The following DYNC1LI2 variants were observed in gnomAD, a reference collection of about 807,000 sequenced individuals.
DYNC1LI2 encodes dynein cytoplasmic 1 light intermediate chain 2.
DYNC1LI2 carries 19 observed loss-of-function variants against 57.8 expected under a neutral mutation model. The ratio of observed to expected loss-of-function variants is 0.33; its 90% CI spans 0.23 to 0.48. The LOEUF is 0.48. DYNC1LI2 is among the 20% of genes least tolerant of loss of function. The pLI, the probability that DYNC1LI2 is intolerant of heterozygous loss-of-function variation, is 0.99. For synonymous variants in DYNC1LI2, 256 were observed against 233.4 expected (o/e 1.10, Z -0.88); for missense variants, 470 against 604.2 (o/e 0.78, Z 2.33).
At chr16:66,729,629 T>A (rs1197147873) in intron 8 of DYNC1LI2, among the ~76,000 whole-genome samples, 1 of 140,844 alleles carries the variant, frequency 7.1e-6, no homozygotes, top group African/African-American at 2.7e-5. Flanking sequence ...CAGGCTGGAG[T>A]ACAGTGGCCC....
intron 8 of DYNC1LI2, among the ~76,000 whole-genome samples, chr16:66,729,678 G>T (rs188074108): frequency 1.6e-4 from 24 of 148,394 alleles, no homozygotes; most frequent in African/African-American, 6.0e-4. Context: ...CCAGGTTCAA[G>T]CAATTCTCCT....
At chr16:66,734,863 G>A (rs1225678907) in intron 5 of DYNC1LI2, among the ~76,000 whole-genome samples, 3 of 151,256 alleles carry the variant, frequency 2.0e-5, no homozygotes, top group Non-Finnish European at 4.4e-5. Flanking sequence ...CAGGCATGGT[G>A]GCGGACACCT....
chr16:66,733,871 T>C (rs987098523), intron 6 of DYNC1LI2: 4 of 208,852 alleles, frequency 1.9e-5, no homozygotes, highest in Admixed American at 1.7e-4. Flanking sequence ...GAAAAAAAAT[T>C]AAAAAATACG....
chr16:66,725,200 C>T (rs1360597645), intron 12 of DYNC1LI2, among the ~76,000 whole-genome samples: 2 of 140,492 alleles, frequency 1.4e-5, no homozygotes, highest in Non-Finnish European at 3.1e-5. Flanking sequence ...AAAAGTCAGC[C>T]GCAGACGGTG....
At position 66,732,474 on chromosome 16, in the gene DYNC1LI2, T is replaced by C; in HGVS notation, c.794A>G (p.Tyr265Cys). The C allele has an allele frequency of 1.2e-6, 2 of 1,608,298 alleles. No individual in the cohort carries two copies. Among genetic ancestry groups the C allele is most frequent in the Non-Finnish European group, 1.7e-6 (2 of 1,178,890 alleles). Residue 265 changes from tyrosine (Y) to cysteine (C), a missense_variant and splice_region_variant, in exon 7 of 13, where the codon TAT (tyrosine) becomes TGT (cysteine). Coordinates refer to ENST00000258198, the MANE Select transcript of DYNC1LI2 (RefSeq NM_006141.3). ...QSHLRRFCLQYGAALIYTSVK... is the reference protein window; with the variant it reads ...QSHLRRFCLQCGAALIYTSVK... ...TGATGTGTAAATCAAGGCAGCTCCATCTAATCAATCTGCTCAAGAAAAATC... is the reference window on the plus strand; with the variant it reads ...TGATGTGTAAATCAAGGCAGCTCCACCTAATCAATCTGCTCAAGAAAAATC...
Position 66,751,085 on chromosome 16 carries a change from G to A in DYNC1LI2, c.181+188C>T, listed in dbSNP as rs1025309624. 1.1e-4 allele frequency among the ~76,000 whole-genome samples: 17 copies of A among 152,212 alleles called. No homozygotes were observed. The highest frequency in any genetic ancestry group is 1.0e-3 in the Admixed American group (16 of 15,284). Reference sequence around the variant, plus strand: ...CCAAAGCACCACTACGCTCTCCAAAGAGGGCAGCATCCCACCCTCAGGCGC... The same window carrying A: ...CCAAAGCACCACTACGCTCTCCAAAAAGGGCAGCATCCCACCCTCAGGCGC... On this transcript the variant is annotated intron_variant, in intron 2 of 12. Transcript: ENST00000258198. This position sits in a 1 kb window ranked among gnomAD's most constrained non-coding sequence, Gnocchi z 5.2.
At position 66,751,232 on chromosome 16, in the gene DYNC1LI2, AC is replaced by A; in HGVS notation, c.181+40del. 6.3e-7 allele frequency: 1 copy of A among 1,597,296 alleles called. No homozygotes were observed. The highest frequency in any genetic ancestry group is 2.3e-5 in the East Asian group (1 of 43,910). Reference sequence around the variant, plus strand: ...TGAGGGAGGGGCGCCCGCCTCGCCCACCCCAGCGACCTGGGGCAACGCCCCG... The same window carrying A: ...TGAGGGAGGGGCGCCCGCCTCGCCCACCCAGCGACCTGGGGCAACGCCCCG... On this transcript the variant is annotated intron_variant, in intron 2 of 12. Coordinates refer to ENST00000258198, the MANE Select transcript of DYNC1LI2 (RefSeq NM_006141.3). The surrounding 1 kb of genome is among the most constrained non-coding windows in gnomAD (Gnocchi z 5.2).
chr16:66,730,121 G>C lies in DYNC1LI2; in HGVS notation c.1032C>G (p.Pro344=). 1 of 1,613,458 alleles carries C rather than the reference G, an allele frequency of 6.2e-7. No homozygotes were observed. The highest frequency in any genetic ancestry group is 8.5e-7 in the Non-Finnish European group (1 of 1,179,796). Residue 344 remains proline, a synonymous_variant, in exon 8 of 13, where the codon CCC becomes CCG. Transcript: ENST00000258198. The part of the protein sequence containing the change: ...DAYEDFIVKP[P]VRKLVHDKEL... ...AATTGTCTTTGACTACCTTTCTCACGGGAGGTTTCACAATAAAGTCTTCAT... is the reference window on the plus strand; with the variant it reads ...AATTGTCTTTGACTACCTTTCTCACCGGAGGTTTCACAATAAAGTCTTCAT...
chr16:66,734,324 C>G lies in DYNC1LI2; in HGVS notation c.700-13G>C. The G allele has an allele frequency of 6.2e-7, 1 of 1,613,278 alleles. No individual in the cohort carries two copies. ...TCACCGCATCACACTGCAGGGAAGA[C>G]AGACAGAGTCACCTTTTTGCTTCAT... On this transcript the variant is annotated splice_polypyrimidine_tract_variant and intron_variant, in intron 5 of 12. Coordinates refer to ENST00000258198, the MANE Select transcript of DYNC1LI2 (RefSeq NM_006141.3).
At chr16:66,749,123 G>T in intron 3 of DYNC1LI2, 74 bp downstream of exon 3, 1 of 1,424,200 alleles carries the variant, frequency 7.0e-7, no homozygotes, top group Non-Finnish European at 9.9e-7. Context: ...TGGCCATGCT[G>T]CAGGAACTGC....
intron 4 of DYNC1LI2, among the ~76,000 whole-genome samples, chr16:66,736,704 C>G (rs979329206): frequency 2.6e-5 from 4 of 152,126 alleles, no homozygotes; most frequent in Non-Finnish European, 5.9e-5. Flanking sequence ...CCTGTGTTGC[C>G]AGGCTGGTCT....
At chr16:66,738,884 A>AACACACACACACACAC in intron 4 of DYNC1LI2, 1 of 133,474 alleles carries the variant, frequency 7.5e-6, no homozygotes, top group South Asian at 2.4e-4. Context: ...AAAAAAAACA[A>AACACACACACACACAC]ACACACACAC....
Position 66,723,741 on chromosome 16 carries a change from G to T in DYNC1LI2, c.1460C>A (p.Ser487Ter). Residue 487 changes from serine (S) to a stop codon, truncating the protein, a stop_gained, in exon 13 of 13, where the codon TCA becomes TAA. Coordinates refer to ENST00000258198, the MANE Select transcript of DYNC1LI2 (RefSeq NM_006141.3). LOFTEE classifies it high-confidence loss of function. Reference sequence around the variant, plus strand: ...GGAGGTTCAGGCTTCATTTTCTGTTGAAGAGTTTGTTACCATAGAGTCTGG... The same window carrying T: ...GGAGGTTCAGGCTTCATTTTCTGTTTAAGAGTTTGTTACCATAGAGTCTGG... ...RKPDSMVTNS[S>*]TENEA The T allele has an allele frequency of 6.2e-7, 1 of 1,605,664 alleles. No individual in the cohort carries two copies. The highest frequency in any genetic ancestry group is 8.5e-7 in the Non-Finnish European group (1 of 1,178,058).
chr16:66,726,639 T>C (rs964231421), intron 11 of DYNC1LI2, among the ~76,000 whole-genome samples: 5 of 152,038 alleles, frequency 3.3e-5, no homozygotes, highest in Non-Finnish European at 5.9e-5. Flanking sequence ...CTATAAAAAA[T>C]ATTTTTGTTT....
chr16:66,723,720 G>A lies in DYNC1LI2; in HGVS notation c.*2C>T. On this transcript the variant is annotated 3_prime_UTR_variant, in exon 13 of 13. Transcript: ENST00000258198. ...TTCGACATATGCACTTTTTAAGGAG[G>A]TTCAGGCTTCATTTTCTGTTGAAGA... is the stretch of plus-strand genomic sequence containing the variant. 6.2e-7 allele frequency: 1 copy of A among 1,602,992 alleles called. No individual in the cohort carries two copies. Among genetic ancestry groups the A allele is most frequent in the Non-Finnish European group, 8.5e-7 (1 of 1,177,226 alleles).
chr16:66,728,204 A>C lies in DYNC1LI2; in HGVS notation c.1140T>G (p.Ala380=). The change falls in exon 10 of 13, where the codon GCT becomes GCG. Residue 380 remains alanine (A), a synonymous_variant. Transcript: ENST00000258198. ...CTGTTTAGTGTAAGGTACTCACAGA[A>C]GCTCTCGTGGGAGTGGCTGGTTGCT... ...LAKQPATPTR[A]SESPARGPSG... is the part of the protein sequence containing the mutation. 5 of 1,614,136 alleles carry C rather than the reference A, an allele frequency of 3.1e-6. No homozygotes were observed. The highest frequency in any genetic ancestry group is 4.2e-6 in the Non-Finnish European group (5 of 1,180,018).
Position 66,723,524 on chromosome 16 carries a change from C to A in DYNC1LI2, c.*198G>T, listed in dbSNP as rs2144961979. 1.5e-6 allele frequency: 1 copy of A among 662,630 alleles called. No homozygotes were observed. Among genetic ancestry groups the A allele is most frequent in the East Asian group, 3.0e-5 (1 of 33,184 alleles). 41.0% of individuals were successfully genotyped at this position (662,630 alleles called of 1,614,324 possible). On this transcript the variant is annotated 3_prime_UTR_variant, in exon 13 of 13. Transcript: ENST00000258198. Reference sequence around the variant, plus strand: ...CCCAGAGTCCAAGGGTTATCCTTAACAAAGGGTCTGACATGTAACCTTCCT... The same window carrying A: ...CCCAGAGTCCAAGGGTTATCCTTAAAAAAGGGTCTGACATGTAACCTTCCT...
intron 10 of DYNC1LI2, 55 bp from the exon 11 acceptor site, chr16:66,727,860 A>G: frequency 7.0e-7 from 1 of 1,436,494 alleles, no homozygotes; most frequent in East Asian, 2.3e-5. Context: ...CAAAAAATAC[A>G]TATGCCACAA....
In DYNC1LI2 at chr16:66,723,595, T is replaced by A; in HGVS notation, c.*127A>T. 1 of 776,986 alleles carries A rather than the reference T, an allele frequency of 1.3e-6. No homozygotes were observed. The allele number at this position is 776,986 out of a possible 1,614,324, so 48.1% of individuals were successfully genotyped here. ...GACAAGCCAATGAAGTTTTTTTTTT[T>A]TTTTTAAAGTTCATCTCCCCTGCCC... On this transcript the variant is annotated 3_prime_UTR_variant, in exon 13 of 13. Coordinates refer to ENST00000258198, the MANE Select transcript of DYNC1LI2 (RefSeq NM_006141.3).
Sources: allele counts gnomAD v4.1 joint callset (sites outside exome capture counted in the v4.1 genomes callset), GRCh38; gene constraint gnomAD v4.1.1; non-coding constraint Gnocchi (gnomAD v3.1); transcripts MANE v1.5; gene names NCBI Gene and HGNC (gene_info 2026-07-23, HGNC 2026-07-21).